Variants in CFAP95 observed in about 807,000 individuals in gnomAD.
CFAP95 encodes cilia- and flagella-associated protein 95.
chr9:69,883,831 A>G, the CFAP95 span, among the ~76,000 whole-genome samples: 1,540 of 11,060 alleles, frequency 0.14, 27 homozygotes, highest in African/African-American at 0.15. Flanking sequence ...TTAAAAAAAA[A>G]CAATTAAAAA....
chr9:69,849,298 G>A, the CFAP95 span, among the ~76,000 whole-genome samples: 1 of 151,942 alleles, frequency 6.6e-6, no homozygotes, highest in South Asian at 2.1e-4. Context: ...AGAAAGGGAA[G>A]AAGGAAGAAA....
the CFAP95 span, chr9:69,884,299 G>T: frequency 6.6e-6 from 1 of 152,084 alleles, no homozygotes; most frequent in Non-Finnish European, 1.5e-5. Flanking sequence ...TTAGAGACAG[G>T]ATCTCTCTCT....
chr9:69,843,815 A>AT, the CFAP95 span, among the ~76,000 whole-genome samples: 1 of 150,562 alleles, frequency 6.6e-6, no homozygotes, highest in Non-Finnish European at 1.5e-5. Context: ...TGATTTTTGT[A>AT]TTTTTTGTAG....
At chr9:69,835,006 T>C in the CFAP95 span, among the ~76,000 whole-genome samples, 7 of 152,354 alleles carry the variant, frequency 4.6e-5, no homozygotes, top group African/African-American at 1.7e-4. Flanking sequence ...CAAAGAGTAT[T>C]GTCAATGTCT....
At chr9:69,879,107 C>A in the CFAP95 span, among the ~76,000 whole-genome samples, 2 of 152,180 alleles carry the variant, frequency 1.3e-5, no homozygotes, top group African/African-American at 2.4e-5. Context: ...TACAATTCAA[C>A]ATGAGATTTG....
the CFAP95 span, among the ~76,000 whole-genome samples, chr9:69,869,388 G>A: frequency 1.3e-5 from 2 of 152,140 alleles, no homozygotes; most frequent in Admixed American, 6.6e-5. Flanking sequence ...ACTTCTACGT[G>A]GAATCTAAAA....
chr9:69,837,516 G>A, the CFAP95 span, among the ~76,000 whole-genome samples: 13 of 152,318 alleles, frequency 8.5e-5, no homozygotes, highest in Non-Finnish European at 1.5e-4. Flanking sequence ...TCTTTTGGCT[G>A]CATAAATGTC....
the CFAP95 span, among the ~76,000 whole-genome samples, chr9:69,879,876 G>GT: frequency 6.6e-6 from 1 of 151,244 alleles, no homozygotes; most frequent in African/African-American, 2.4e-5. Context: ...GTAACTTTTT[G>GT]TTTTTTTTTT....
At chr9:69,860,359 G>C in the CFAP95 span, among the ~76,000 whole-genome samples, 3 of 151,972 alleles carry the variant, frequency 2.0e-5, no homozygotes, top group African/African-American at 7.3e-5. Flanking sequence ...GGAGGTGCCA[G>C]GGTCTTTTTA....
the CFAP95 span, among the ~76,000 whole-genome samples, chr9:69,829,856 T>A: frequency 6.6e-6 from 1 of 152,180 alleles, no homozygotes; most frequent in Non-Finnish European, 1.5e-5. Flanking sequence ...CTTCTCTGAG[T>A]TTCTCTGGGA....
chr9:69,844,389 CA>C, the CFAP95 span: 1 of 544,452 alleles, frequency 1.8e-6, no homozygotes, highest in Non-Finnish European at 3.1e-6. Flanking sequence ...TTATATGTCA[CA>C]AATCTAATAA....
At chr9:69,855,025 A>G in the CFAP95 span, among the ~76,000 whole-genome samples, 1 of 152,188 alleles carries the variant, frequency 6.6e-6, no homozygotes. Context: ...CACGTTTATA[A>G]AGAGATCCTT....
At chr9:69,857,983 TA>T in the CFAP95 span, 2 of 1,612,616 alleles carry the variant, frequency 1.2e-6, no homozygotes, top group Admixed American at 1.7e-5. Flanking sequence ...AAAATGTTAG[TA>T]GTCCCTAAAC....
At chr9:69,859,576 G>A in the CFAP95 span, among the ~76,000 whole-genome samples, 2 of 152,108 alleles carry the variant, frequency 1.3e-5, no homozygotes, top group South Asian at 2.1e-4. Context: ...TAAGAGATGG[G>A]GCTCCGAGCC....
At chr9:69,838,632 G>A in the CFAP95 span, among the ~76,000 whole-genome samples, 1 of 151,898 alleles carries the variant, frequency 6.6e-6, no homozygotes, top group East Asian at 1.9e-4. Flanking sequence ...GAGATTTTGG[G>A]CTGAGACAAT....
At chr9:69,865,263 C>G in the CFAP95 span, among the ~76,000 whole-genome samples, 2 of 152,150 alleles carry the variant, frequency 1.3e-5, no homozygotes, top group Non-Finnish European at 2.9e-5. Context: ...AACCTCTTTT[C>G]TTTATAAATT....
the CFAP95 span, among the ~76,000 whole-genome samples, chr9:69,870,938 G>T: frequency 2.6e-5 from 4 of 152,166 alleles, no homozygotes; most frequent in African/African-American, 7.2e-5. Flanking sequence ...AGGCAGGGAG[G>T]CTGGGCGCAG....
chr9:69,828,457 G>T, the CFAP95 span, among the ~76,000 whole-genome samples: 1 of 152,222 alleles, frequency 6.6e-6, no homozygotes, highest in African/African-American at 2.4e-5. Context: ...AAGGTGAGGG[G>T]ATCGCTTGAG....
At chr9:69,887,937 G>A in the CFAP95 span, among the ~76,000 whole-genome samples, 1 of 152,134 alleles carries the variant, frequency 6.6e-6, no homozygotes, top group Non-Finnish European at 1.5e-5. Flanking sequence ...CTGGACTCCA[G>A]CTCTGGCTTC....
Sources: allele counts gnomAD v4.1 joint callset (sites outside exome capture counted in the v4.1 genomes callset), GRCh38; gene constraint gnomAD v4.1.1; transcripts MANE v1.5; gene names NCBI Gene and HGNC (gene_info 2026-07-23, HGNC 2026-07-21).